The following CSNK1G1 variants were observed in gnomAD, a reference collection of about 807,000 sequenced individuals.
CSNK1G1 encodes the protein casein kinase I isoform gamma-1.
CSNK1G1 carries 22 observed loss-of-function variants against 59.6 expected under a neutral mutation model. The observed-to-expected ratio is 0.37, with a 90% CI of 0.26 to 0.53. The LOEUF (loss-of-function observed/expected upper bound fraction) is 0.53, where lower values mean the gene tolerates loss of function less well. Ranked by LOEUF, CSNK1G1 falls within the 20% of genes least tolerant of loss-of-function variation. The pLI is 0.89. For missense variants in CSNK1G1, 384 were observed against 519.5 expected, an observed-to-expected ratio of 0.74 and a Z score of 2.54; for synonymous variants, 179 against 177.1, an observed-to-expected ratio of 1.01 and a Z score of -0.08.
intron 1 of CSNK1G1, among the ~76,000 whole-genome samples, chr15:64,338,700 C>CAAAAAAAAAAAAAAAAAAAA (rs34206192): frequency 3.2e-5 from 1 of 31,532 alleles, no homozygotes; most frequent in African/African-American, 1.9e-4. Flanking sequence ...AACTCGGTCT[C>CAAAAAAAAAAAAAAAAAAAA]AAAAAAAAAA....
rs1028419834 is a variant in CSNK1G1 at position 64,283,342 on chromosome 15, C to T, written c.181+16977G>A. 2.7e-3 allele frequency among the ~76,000 whole-genome samples: 392 copies of T among 144,826 alleles called. 1 individual carries two copies. The highest frequency in any genetic ancestry group is 9.5e-3 in the African/African-American group (377 of 39,892). On this transcript the variant is annotated intron_variant, in intron 2 of 11. Transcript: ENST00000303052. Reference sequence around the variant, plus strand: ...ATTATGTAGACTGACTTTTAAGTTTCTTTTTTTTTTTTCTTTTTGAGACGG... The same window carrying T: ...ATTATGTAGACTGACTTTTAAGTTTTTTTTTTTTTTTTCTTTTTGAGACGG...
At chr15:64,319,793 C>T (rs1187327882) in intron 1 of CSNK1G1, among the ~76,000 whole-genome samples, 2 of 152,060 alleles carry the variant, frequency 1.3e-5, no homozygotes, top group Non-Finnish European at 2.9e-5. Flanking sequence ...TCAGGCAATC[C>T]GCTATCATGC....
chr15:64,334,022 C>G (rs531212713), intron 1 of CSNK1G1, among the ~76,000 whole-genome samples: 2 of 152,214 alleles, frequency 1.3e-5, no homozygotes, highest in East Asian at 3.9e-4. Flanking sequence ...CTTAGAGACA[C>G]AAAGTCAACA....
intron 1 of CSNK1G1, among the ~76,000 whole-genome samples, chr15:64,338,538 T>C (rs1204140051): frequency 1.3e-5 from 2 of 150,014 alleles, no homozygotes; most frequent in Non-Finnish European, 3.0e-5. Context: ...CCATCTCTAC[T>C]AAAAATACAA....
intron 1 of CSNK1G1, among the ~76,000 whole-genome samples, chr15:64,346,300 C>T (rs900012177): frequency 5.4e-5 from 8 of 148,776 alleles, no homozygotes; most frequent in African/African-American, 1.5e-4. Flanking sequence ...TTCCTTACAC[C>T]TTTCCAAAAA....
Position 64,188,566 on chromosome 15 carries a change from A to G in CSNK1G1, c.1108-8112T>C. Reference sequence around the variant, plus strand: ...AGCAAGCAATAACAAAATCAAGTACATTCGTGTCCCTGTAGGTTTTTCTTT... The same window carrying G: ...AGCAAGCAATAACAAAATCAAGTACGTTCGTGTCCCTGTAGGTTTTTCTTT... On this transcript the variant is annotated intron_variant, in intron 10 of 11. Transcript: ENST00000303052. This position sits in a 1 kb window ranked among gnomAD's most constrained non-coding sequence, Gnocchi z 4.2. 1 of 1,013,984 alleles carries G rather than the reference A, an allele frequency of 9.9e-7. No individual in the cohort carries two copies. Among genetic ancestry groups the G allele is most frequent in the East Asian group, 2.6e-5 (1 of 38,516 alleles). The allele number at this position is 1,013,984 out of a possible 1,614,324, so 62.8% of individuals were successfully genotyped here. A position where few individuals can be genotyped will look rare whatever the true frequency, so the allele number is the denominator to read the frequency against.
chr15:64,279,421 G>A (rs1330325765), intron 2 of CSNK1G1, among the ~76,000 whole-genome samples: 3 of 151,956 alleles, frequency 2.0e-5, no homozygotes, highest in South Asian at 2.1e-4. Context: ...CCTTGATTAC[G>A]TCCGTGAGAT....
chr15:64,221,045 A>AT (rs1336006010), intron 4 of CSNK1G1, among the ~76,000 whole-genome samples: 4 of 152,170 alleles, frequency 2.6e-5, no homozygotes, highest in East Asian at 1.9e-4. Flanking sequence ...TTCTCTCTGG[A>AT]TTTTTTTTAT....
intron 4 of CSNK1G1, among the ~76,000 whole-genome samples, chr15:64,225,006 CTTTTTTTT>C (rs750533422): frequency 8.2e-6 from 1 of 121,852 alleles, no homozygotes; most frequent in Non-Finnish European, 1.7e-5. Context: ...ATACACTTTT[CTTTTTTTT>C]TTTTTTTTTT....
intron 4 of CSNK1G1, among the ~76,000 whole-genome samples, chr15:64,241,080 T>C (rs927828745): frequency 2.0e-5 from 3 of 152,108 alleles, no homozygotes; most frequent in African/African-American, 7.2e-5. Context: ...GCAGACTGGA[T>C]GAACTGATAA....
intron 1 of CSNK1G1, among the ~76,000 whole-genome samples, chr15:64,349,005 C>T (rs1288380631): frequency 1.3e-5 from 2 of 151,738 alleles, no homozygotes; most frequent in Non-Finnish European, 2.9e-5. Flanking sequence ...TGGTAGGTAG[C>T]GGGCACCTGT....
rs372569966 is a variant in CSNK1G1 at position 64,216,167 on chromosome 15, C to A, written c.444+395G>T. 2.8e-4 allele frequency among the ~76,000 whole-genome samples: 42 copies of A among 152,056 alleles called. No homozygotes were observed. The East Asian group carries it at 4.8e-3, about 17-fold the overall frequency. The stretch of plus-strand genomic sequence containing the variant: ...TTGAGCCTAGGAGTTTGAGGTTGCA[C>A]TGAGCTATGATCATGCTACTGTACT... On this transcript the variant is annotated intron_variant, in intron 5 of 11. Transcript: ENST00000303052. The surrounding 1 kb of genome is among the most constrained non-coding windows in gnomAD (Gnocchi z 4.6).
intron 1 of CSNK1G1, among the ~76,000 whole-genome samples, chr15:64,345,860 C>T (rs536869179): frequency 7.9e-5 from 12 of 152,164 alleles, no homozygotes; most frequent in East Asian, 3.9e-4. Flanking sequence ...GGCACAATCT[C>T]GGCTCACTGC....
intron 1 of CSNK1G1, among the ~76,000 whole-genome samples, chr15:64,314,156 A>T (rs1047967226): frequency 1.3e-5 from 2 of 152,108 alleles, no homozygotes; most frequent in South Asian, 4.1e-4. Context: ...CCCAGGCTGG[A>T]GTGTAGTGCC....
chr15:64,193,142 T>C (rs1007491831), intron 10 of CSNK1G1, among the ~76,000 whole-genome samples: 1 of 152,042 alleles, frequency 6.6e-6, no homozygotes, highest in Admixed American at 6.6e-5. Flanking sequence ...ACTTCCAATA[T>C]TAAAATTTCT....
intron 3 of CSNK1G1, among the ~76,000 whole-genome samples, chr15:64,257,172 T>C (rs932041436): frequency 1.3e-5 from 2 of 151,622 alleles, no homozygotes; most frequent in African/African-American, 4.9e-5. Flanking sequence ...TTTTTAGCTT[T>C]AAATAGTGGC....
At chr15:64,339,004 C>A (rs113564655) in intron 1 of CSNK1G1, among the ~76,000 whole-genome samples, 2 of 150,940 alleles carry the variant, frequency 1.3e-5, no homozygotes, top group African/African-American at 4.9e-5. Context: ...GCAACAAGAG[C>A]GAAACTCCAT....
intron 4 of CSNK1G1, among the ~76,000 whole-genome samples, chr15:64,248,847 G>A (rs369670380): frequency 2.7e-5 from 4 of 149,970 alleles, no homozygotes; most frequent in Admixed American, 6.6e-5. Context: ...TTGGCCAGGC[G>A]TGGTGGCTCA....
Position 64,188,194 on chromosome 15 carries a change from G to T in CSNK1G1, c.1108-7740C>A, listed in dbSNP as rs1028906897. On this transcript the variant is annotated intron_variant, in intron 10 of 11. Coordinates refer to ENST00000303052, the MANE Select transcript of CSNK1G1 (RefSeq NM_022048.5). The surrounding 1 kb of genome is among the most constrained non-coding windows in gnomAD (Gnocchi z 4.2). ...GATGTTTCTTAGTCAATGACAACAG[G>T]AAGTAATCATTTTAACAAGCGACTC... is the stretch of plus-strand genomic sequence containing the variant. 6.6e-6 allele frequency among the ~76,000 whole-genome samples: 1 copy of T among 151,936 alleles called. No homozygotes were observed. Among genetic ancestry groups the T allele is most frequent in the African/African-American group, 2.4e-5 (1 of 41,378 alleles).
Sources: gnomAD v4.1 joint callset for allele counts (sites outside exome capture counted in the v4.1 genomes callset) on GRCh38, gnomAD v4.1.1 for gene constraint, Gnocchi (gnomAD v3.1) non-coding constraint, MANE v1.5 for transcripts, NCBI Gene and HGNC (gene_info 2026-07-23, HGNC 2026-07-21) for gene names.